ACO1: variants seen among roughly 807,000 people sequenced by gnomAD.
The protein encoded by ACO1 is aconitase 1.
ACO1 carries 78 observed loss-of-function variants against 105.1 expected under a neutral mutation model. The observed-to-expected ratio is 0.74, with a 90% CI of 0.62 to 0.90. The LOEUF is 0.90. ACO1 is among the 40% of genes least tolerant of loss of function. The pLI is 0.00. For missense variants in ACO1, 965 were observed against 1,111.1 expected, an observed-to-expected ratio of 0.87 and a Z score of 1.87; for synonymous variants, 364 against 397.4, an observed-to-expected ratio of 0.92 and a Z score of 1.00.
chr9:32,426,078 G>C, intron 11 of ACO1, 81 bp downstream of exon 11: 1 of 1,448,040 alleles, frequency 6.9e-7, no homozygotes, highest in South Asian at 1.3e-5. Flanking sequence ...GGGCCTTGGC[G>C]GAGTTGTACA....
intron 1 of ACO1, among the ~76,000 whole-genome samples, chr9:32,389,875 T>A (rs1821231093): frequency 6.8e-6 from 1 of 147,608 alleles, no homozygotes; most frequent in African/African-American, 2.5e-5. Context: ...CTCAGCTCAC[T>A]CCAACCTCCA....
chr9:32,444,303 A>T (rs1822550448), intron 19 of ACO1, among the ~76,000 whole-genome samples: 1 of 152,168 alleles, frequency 6.6e-6, no homozygotes, highest in South Asian at 2.1e-4. Context: ...ATGCGTCTTT[A>T]TAGTACAATG....
Position 32,440,459 on chromosome 9 carries a change from C to A in ACO1, c.2248-6C>A. The A allele has an allele frequency of 6.2e-7, 1 of 1,613,620 alleles. No individual in the cohort carries two copies. On this transcript the variant is annotated splice_region_variant and splice_polypyrimidine_tract_variant and intron_variant, in intron 18 of 20. Transcript: ENST00000309951. ...CATCTGTAAAACTTCCTTTTCTCTT[C>A]CTCAGCTTGATGTGTTTGATGCTGC... is the stretch of plus-strand genomic sequence containing the variant.
At chr9:32,398,382 C>T (rs530139291) in intron 1 of ACO1, among the ~76,000 whole-genome samples, 2 of 152,302 alleles carry the variant, frequency 1.3e-5, no homozygotes, top group South Asian at 4.1e-4. Context: ...TGGCACTCCT[C>T]TTGAATGCTA....
In ACO1 at chr9:32,436,422, C is replaced by G. The variant is rs779314924; in HGVS notation, c.2247+25C>G. On this transcript the variant is annotated intron_variant, in intron 18 of 20. Transcript: ENST00000309951. ...CGTGAGTATTGTCTTCTGCTTCCTG[C>G]AGACACTAGCATTTGTCAGCCTTGG... is the stretch of plus-strand genomic sequence containing the variant. The G allele has an allele frequency of 1.1e-5, 18 of 1,609,944 alleles. No individual in the cohort carries two copies. In the South Asian group the frequency reaches 1.8e-4, roughly 16 times the overall value.
intron 4 of ACO1, among the ~76,000 whole-genome samples, chr9:32,414,520 T>C (rs906064845): frequency 3.3e-5 from 5 of 152,238 alleles, no homozygotes; most frequent in African/African-American, 1.2e-4. Flanking sequence ...TACTGTATCA[T>C]GAAACAGTCT....
chr9:32,399,964 C>CTTTTTTTT (rs1300474052), intron 1 of ACO1, among the ~76,000 whole-genome samples: 1 of 42,412 alleles, frequency 2.4e-5, no homozygotes, highest in Admixed American at 3.6e-4. Context: ...TTTTCTTTTT[C>CTTTTTTTT]TGTTTTTTTT....
chr9:32,428,822 C>T (rs1024409835), intron 12 of ACO1, among the ~76,000 whole-genome samples: 1 of 150,916 alleles, frequency 6.6e-6, no homozygotes, highest in African/African-American at 2.4e-5. Context: ...CCAGCCTGGG[C>T]AACAGAGCGA....
At position 32,424,665 on chromosome 9, in the gene ACO1, G is replaced by A. The variant is rs780944307; in HGVS notation, c.1188G>A (p.Lys396=). 2 of 1,609,820 alleles carry A rather than the reference G, an allele frequency of 1.2e-6. No homozygotes were observed. The highest frequency in any genetic ancestry group is 1.7e-6 in the Non-Finnish European group (2 of 1,176,690). ...ACTTTGAGAGCTGCCTTGGAGCCAAGGTAGGGGCCTGCGGGAAGAGGTTGA... is the reference window on the plus strand; with the variant it reads ...ACTTTGAGAGCTGCCTTGGAGCCAAAGTAGGGGCCTGCGGGAAGAGGTTGA... The part of the protein sequence containing the change: ...KKDFESCLGA[K]QGFKGFQVAP... The change falls in exon 10 of 21, where the codon AAG becomes AAA. Residue 396 remains lysine (K), a splice_region_variant and synonymous_variant. Transcript: ENST00000309951.
chr9:32,399,880 A>G (rs1821451543), intron 1 of ACO1, among the ~76,000 whole-genome samples: 1 of 151,692 alleles, frequency 6.6e-6, no homozygotes, highest in Admixed American at 6.6e-5. Context: ...GGTATTACAA[A>G]GGATTTTATT....
intron 8 of ACO1, 87 bp from the exon 9 acceptor site, chr9:32,423,232 A>G: frequency 1.4e-6 from 1 of 711,648 alleles, no homozygotes; most frequent in Non-Finnish European, 2.3e-6. Flanking sequence ...GCGTACTTAC[A>G]TAATTGCTAA....
intron 4 of ACO1, among the ~76,000 whole-genome samples, chr9:32,414,202 A>G (rs113607506): frequency 1.3e-5 from 2 of 152,350 alleles, no homozygotes; most frequent in African/African-American, 4.8e-5. Context: ...TTAATGTGAA[A>G]ACTATCTCCA....
chr9:32,402,043 A>G (rs1821506889), intron 1 of ACO1, among the ~76,000 whole-genome samples: 1 of 152,212 alleles, frequency 6.6e-6, no homozygotes. Flanking sequence ...TTTGTTTAAG[A>G]ACTGTTCATC....
chr9:32,429,536 C>T (rs752553218), intron 13 of ACO1, 33 bp downstream of exon 13: 1 of 1,570,924 alleles, frequency 6.4e-7, no homozygotes, highest in Non-Finnish European at 8.7e-7. Flanking sequence ...GTCTTCAGAG[C>T]AGTTGTTTCT....
chr9:32,386,468 C>T (rs1354655790), intron 1 of ACO1: 2 of 152,172 alleles, frequency 1.3e-5, no homozygotes, highest in African/African-American at 4.8e-5. Context: ...GGACTCTTTC[C>T]TTAGCTTCGT....
intron 19 of ACO1, among the ~76,000 whole-genome samples, chr9:32,447,004 C>T (rs1196177177): frequency 3.3e-5 from 5 of 152,110 alleles, no homozygotes; most frequent in Non-Finnish European, 7.4e-5. Flanking sequence ...TCTCTGGCTG[C>T]CCTTAACATT....
intron 6 of ACO1, 117 bp from the exon 7 acceptor site, chr9:32,418,921 C>A: frequency 8.0e-7 from 1 of 1,246,650 alleles, no homozygotes. Flanking sequence ...AAACATGACT[C>A]TGCACCAATT....
chr9:32,411,526 G>T (rs1240957775), intron 4 of ACO1, among the ~76,000 whole-genome samples: 1 of 152,166 alleles, frequency 6.6e-6, no homozygotes, highest in Admixed American at 6.5e-5. Flanking sequence ...AATATATGGA[G>T]TGTCTATAAT....
intron 19 of ACO1, 32 bp from the exon 20 acceptor site, chr9:32,448,864 A>G (rs755080965): frequency 1.3e-4 from 209 of 1,613,100 alleles, no homozygotes; most frequent in Non-Finnish European, 1.7e-4. Flanking sequence ...AAAGATTGGA[A>G]GTATGTCTAA....
Sources: gnomAD v4.1 joint callset for allele counts (sites outside exome capture counted in the v4.1 genomes callset) on GRCh38, gnomAD v4.1.1 for gene constraint, MANE v1.5 for transcripts, NCBI Gene and HGNC (gene_info 2026-07-23, HGNC 2026-07-21) for gene names.